SDK1: variants seen among roughly 807,000 people sequenced by gnomAD.
The protein encoded by SDK1 is protein sidekick-1.
SDK1 carries 157 observed loss-of-function variants against 245.5 expected under a neutral mutation model. The observed-to-expected ratio is 0.64, with a 90% confidence interval of 0.56 to 0.73. The LOEUF (loss-of-function observed/expected upper bound fraction) is 0.73. Among genes scored for constraint, SDK1 ranks in the 30% least tolerant of loss-of-function variants. The probability of loss-of-function intolerance (pLI) is 0.00; values close to 1 mark genes in which losing one functional copy is unlikely to be tolerated. For missense variants in SDK1, 3,583 were observed against 3,002.3 expected, an observed-to-expected ratio of 1.19 and a Z score of -4.52; for synonymous variants, 1,647 against 1,278.5, an observed-to-expected ratio of 1.29 and a Z score of -6.15.
intron 1 of SDK1, among the ~76,000 whole-genome samples, chr7:3,582,244 C>T (rs1318117066): frequency 3.7e-4 from 54 of 145,222 alleles, no homozygotes; most frequent in Middle Eastern, 3.8e-3. Flanking sequence ...GGTAGGTCTC[C>T]CTCAGGTAGG....
intron 13 of SDK1, among the ~76,000 whole-genome samples, chr7:3,977,611 T>G (rs1410585016): frequency 6.6e-6 from 1 of 152,232 alleles, no homozygotes; most frequent in Non-Finnish European, 1.5e-5. Flanking sequence ...CATGCACCCC[T>G]TAGCATTCAA....
At chr7:4,079,256 G>A (rs1340357279) in intron 21 of SDK1, among the ~76,000 whole-genome samples, 2 of 152,176 alleles carry the variant, frequency 1.3e-5, no homozygotes, top group East Asian at 3.9e-4. Flanking sequence ...AAAGCCCACT[G>A]GGTCACCCCA....
chr7:4,157,356 AGTGGGAAG>A (rs1780801922), intron 30 of SDK1, among the ~76,000 whole-genome samples: 1 of 102,718 alleles, frequency 9.7e-6, no homozygotes, highest in African/African-American at 4.4e-5. Flanking sequence ...AAGGAAGGAA[AGTGGGAAG>A]GGAGGAAGAA....
chr7:3,835,002 C>T (rs960607528), intron 5 of SDK1, among the ~76,000 whole-genome samples: 3 of 152,152 alleles, frequency 2.0e-5, no homozygotes, highest in Non-Finnish European at 2.9e-5. Context: ...GCCTTTAGTC[C>T]TTTGGTGCAA....
rs753813693 is a variant in SDK1 at position 4,049,352 on chromosome 7, C to T, written c.2607C>T (p.Pro869=). 22 of 1,613,756 alleles carry T rather than the reference C, an allele frequency of 1.4e-5. No homozygotes were observed. Among genetic ancestry groups the T allele is most frequent in the Non-Finnish European group, 1.9e-5 (22 of 1,179,820 alleles). Residue 869 remains proline (P), a synonymous_variant, in exon 18 of 45, where the codon CCC becomes CCT. Coordinates refer to ENST00000404826, the MANE Select transcript of SDK1 (RefSeq NM_152744.4). ...AVTEYTLQGV[P]TAPPQNVQTE... ...TCAATGACTGCCCTGCCACAGTGCC[C>T]ACCGCGCCCCCGCAGAACGTGCAGA... is the stretch of plus-strand genomic sequence containing the variant.
chr7:4,210,041 C>T lies in SDK1; in HGVS notation c.5418C>T (p.Ser1806=). Residue 1806 remains serine, a synonymous_variant, in exon 38 of 45, where the codon AGC becomes AGT. Coordinates refer to ENST00000404826, the MANE Select transcript of SDK1 (RefSeq NM_152744.4). The part of the protein sequence containing the change: ...RTHQAAPGAP[S]FLAFSEITST... ...TTCTCCCAGCCCCTGGGGCCCCCAG[C>T]TTTCTGGCGTTCTCAGAAATAACCT... 6.3e-7 allele frequency: 1 copy of T among 1,592,446 alleles called. No individual in the cohort carries two copies. The highest frequency in any genetic ancestry group is 8.5e-7 in the Non-Finnish European group (1 of 1,171,036).
intron 14 of SDK1, 67 bp from the exon 15 acceptor site, chr7:4,010,899 C>T: frequency 1.3e-6 from 2 of 1,527,842 alleles, no homozygotes; most frequent in Non-Finnish European, 1.8e-6. Flanking sequence ...AAAGCCTTTG[C>T]ATTCACCTCT....
intron 5 of SDK1, among the ~76,000 whole-genome samples, chr7:3,931,712 G>A (rs1261734421): frequency 6.6e-6 from 1 of 152,130 alleles, no homozygotes; most frequent in Non-Finnish European, 1.5e-5. Context: ...TTACCAAAGT[G>A]CCTAGTTTTT....
At chr7:3,660,170 A>G (rs1020847532) in intron 4 of SDK1, among the ~76,000 whole-genome samples, 2 of 152,166 alleles carry the variant, frequency 1.3e-5, no homozygotes, top group Non-Finnish European at 2.9e-5. Flanking sequence ...GATTTCAGAC[A>G]CAGCAAAGAA....
At chr7:4,049,512 C>T (rs1162299818) in intron 18 of SDK1, 49 bp downstream of exon 18, 2 of 1,436,636 alleles carry the variant, frequency 1.4e-6, no homozygotes, top group Non-Finnish European at 2.0e-6. Context: ...TTGTCTGGAG[C>T]CACAGCGCGA....
intron 4 of SDK1, among the ~76,000 whole-genome samples, chr7:3,772,052 C>T (rs940977139): frequency 1.3e-5 from 2 of 152,160 alleles, no homozygotes; most frequent in East Asian, 1.9e-4. Context: ...AATGTAATGT[C>T]CTCAAAATTT....
At chr7:3,918,282 G>T (rs1779455941) in intron 5 of SDK1, among the ~76,000 whole-genome samples, 1 of 152,192 alleles carries the variant, frequency 6.6e-6, no homozygotes, top group Admixed American at 6.5e-5. Flanking sequence ...AGCAGCAGGG[G>T]AGCAGCGAGT....
intron 1 of SDK1, among the ~76,000 whole-genome samples, chr7:3,597,271 CA>C (rs59830553): frequency 0.36 from 31,956 of 89,464 alleles, 3,756 homozygotes; most frequent in Middle Eastern, 0.48. Context: ...GACTTGGTCT[CA>C]AAAAAAAAAA....
intron 5 of SDK1, among the ~76,000 whole-genome samples, chr7:3,823,952 GT>G (rs5882006): frequency 0.17 from 22,928 of 134,836 alleles, 1,879 homozygotes; most frequent in Middle Eastern, 0.34. Context: ...GTTTTTTTGT[GT>G]TTTTTTTTTT....
rs555549286 is a variant in SDK1 at position 3,665,855 on chromosome 7, A to T, written c.713+23750A>T. Among the ~76,000 whole-genome samples the T allele has an allele frequency of 2.6e-5, 4 of 152,150 alleles. No homozygotes were observed. In the South Asian group the frequency reaches 8.3e-4, roughly 32 times the overall value. ...TTGTGTTGCTTTTCTCTCTTTATTA[A>T]CAGATGTAGATTGACTTAGTGATGA... On this transcript the variant is annotated intron_variant, in intron 4 of 44. Coordinates refer to ENST00000404826, the MANE Select transcript of SDK1 (RefSeq NM_152744.4).
chr7:3,701,484 C>T (rs1784737820), intron 4 of SDK1, among the ~76,000 whole-genome samples: 1 of 152,126 alleles, frequency 6.6e-6, no homozygotes, highest in Admixed American at 6.5e-5. Flanking sequence ...CCTGTAGTCC[C>T]AGCTACTTGG....
At chr7:4,129,370 CCCTGGAATAGAGCAGCTTGG>C (rs1260999253) in intron 26 of SDK1, among the ~76,000 whole-genome samples, 1 of 107,416 alleles carries the variant, frequency 9.3e-6, no homozygotes, top group Non-Finnish European at 2.0e-5. Flanking sequence ...GGGTTGGGTG[CCCTGGAATAGAGCAGCTTGG>C]GGTGGGGTGC....
At chr7:4,127,051 A>G (rs574028232) in intron 25 of SDK1, among the ~76,000 whole-genome samples, 2 of 152,294 alleles carry the variant, frequency 1.3e-5, no homozygotes, top group Admixed American at 6.5e-5. Context: ...GTGAACAGGC[A>G]TGTGTCTGAA....
chr7:3,731,455 C>A (rs909250664), intron 4 of SDK1, among the ~76,000 whole-genome samples: 3 of 152,174 alleles, frequency 2.0e-5, no homozygotes. Context: ...TACAAGGAAG[C>A]CAGCTGACAG....
Sources: gnomAD v4.1 joint callset for allele counts (sites outside exome capture counted in the v4.1 genomes callset) on GRCh38, gnomAD v4.1.1 for gene constraint, MANE v1.5 for transcripts, NCBI Gene and HGNC (gene_info 2026-07-23, HGNC 2026-07-21) for gene names.